Variants in RYR2 observed in about 807,000 individuals in gnomAD.
RYR2 encodes cardiac muscle ryanodine receptor-calcium release channel.
Under a neutral mutation model 601.1 loss-of-function variants are expected in RYR2, and 227 were observed. The observed-to-expected ratio is 0.38, with a 90% CI of 0.34 to 0.42. The LOEUF (loss-of-function observed/expected upper bound fraction) is 0.42, where lower values mean the gene tolerates loss of function less well. RYR2 is among the 10% of genes least tolerant of loss of function. RYR2 has a pLI of 1.00. For missense variants in RYR2, 4,646 were observed against 6,156.5 expected (o/e 0.75, Z 8.21); for synonymous variants, 2,223 against 2,175.1 (o/e 1.02, Z -0.61).
chr1:237,083,385 C>A (rs544134847), intron 1 of RYR2, among the ~76,000 whole-genome samples: 1 of 152,126 alleles, frequency 6.6e-6, no homozygotes, highest in East Asian at 1.9e-4. Context: ...GCCAGGTAAC[C>A]CTCCCTCAGC....
rs573483047 is a variant in RYR2, at chr1:237,767,464, T to G, written c.11477-3343T>G. ...TAGAAGAGTGAATGTTTTTTGAAGT[T>G]TACTGGAATCATACTCTTTACCAGT... On this transcript the variant is annotated intron_variant, in intron 84 of 104. Transcript: ENST00000366574. Among the ~76,000 whole-genome samples, 5 of 152,310 alleles carry G rather than the reference T, an allele frequency of 3.3e-5. No individual in the cohort carries two copies. In the East Asian group the frequency reaches 9.7e-4, roughly 29 times the overall value.
chr1:237,458,125 T>C (rs1413863811), intron 16 of RYR2, among the ~76,000 whole-genome samples: 1 of 152,146 alleles, frequency 6.6e-6, no homozygotes, highest in African/African-American at 2.4e-5. Context: ...CATGTCACTG[T>C]CTTTTAAAGT....
At chr1:237,048,495 C>T (rs1169997788) in intron 1 of RYR2, among the ~76,000 whole-genome samples, 3 of 152,082 alleles carry the variant, frequency 2.0e-5, no homozygotes, top group Non-Finnish European at 4.4e-5. Flanking sequence ...CTGAAACCCT[C>T]GTGTCCATCT....
At chr1:237,262,399 G>A (rs1688633940) in intron 1 of RYR2, among the ~76,000 whole-genome samples, 1 of 151,770 alleles carries the variant, frequency 6.6e-6, no homozygotes, top group South Asian at 2.1e-4. Context: ...GGGATTACAG[G>A]CACACACCAG....
At chr1:237,348,913 T>G (rs2149658204) in intron 3 of RYR2, among the ~76,000 whole-genome samples, 1 of 152,274 alleles carries the variant, frequency 6.6e-6, no homozygotes, top group South Asian at 2.1e-4. Context: ...TGGGACATAG[T>G]TGAAGAAAGG....
intron 7 of RYR2, among the ~76,000 whole-genome samples, chr1:237,375,375 A>G (rs1407961192): frequency 6.6e-6 from 1 of 152,196 alleles, no homozygotes; most frequent in Non-Finnish European, 1.5e-5. Context: ...CATTGACTTT[A>G]TATATCCCTA....
In RYR2 at chr1:237,062,545, A is replaced by G. The variant is rs543672239; in HGVS notation, c.48+19976A>G. The stretch of plus-strand genomic sequence containing the variant: ...AAATTGTTTCTTAGACTGTAAAAAT[A>G]TAATTGACTTTACATTTGACCTTGT... On this transcript the variant is annotated intron_variant, in intron 1 of 104. Transcript: ENST00000366574. Among the ~76,000 whole-genome samples the G allele has an allele frequency of 1.1e-4, 17 of 152,324 alleles. No individual in the cohort carries two copies. The South Asian group carries it at 3.3e-3, about 30-fold the overall frequency.
chr1:237,585,470 T>C (rs1674428035), intron 29 of RYR2, among the ~76,000 whole-genome samples: 1 of 152,204 alleles, frequency 6.6e-6, no homozygotes, highest in Non-Finnish European at 1.5e-5. Context: ...TGTCATGTAC[T>C]GAACAAAGGG....
intron 84 of RYR2, among the ~76,000 whole-genome samples, chr1:237,763,778 A>G (rs1463661659): frequency 6.6e-6 from 1 of 152,238 alleles, no homozygotes; most frequent in Non-Finnish European, 1.5e-5. Context: ...TTAATATTAC[A>G]GTATCTTCCA....
intron 62 of RYR2, among the ~76,000 whole-genome samples, chr1:237,680,991 G>A (rs1361238621): frequency 2.0e-5 from 3 of 152,080 alleles, no homozygotes; most frequent in Non-Finnish European, 4.4e-5. Flanking sequence ...TAAAAATAAT[G>A]ACCAATGTTG....
chr1:237,441,778 G>A (rs1019759357), intron 13 of RYR2, among the ~76,000 whole-genome samples: 1 of 152,060 alleles, frequency 6.6e-6, no homozygotes, highest in Admixed American at 6.6e-5. Flanking sequence ...CCTCCATGCT[G>A]TGACAAAGTC....
intron 3 of RYR2, among the ~76,000 whole-genome samples, chr1:237,350,461 C>T (rs540568739): frequency 6.7e-6 from 1 of 148,678 alleles, no homozygotes; most frequent in South Asian, 2.2e-4. Flanking sequence ...ATCCCAGCTA[C>T]TCGGGAGGCT....
intron 2 of RYR2, among the ~76,000 whole-genome samples, chr1:237,296,986 ACT>A (rs747314640): frequency 6.6e-6 from 1 of 152,184 alleles, no homozygotes; most frequent in South Asian, 2.1e-4. Flanking sequence ...TTTAGTGGTA[ACT>A]CTATTTTGTT....
intron 42 of RYR2, 123 bp from the exon 43 acceptor site, chr1:237,633,455 A>G: frequency 1.8e-6 from 2 of 1,109,638 alleles, no homozygotes; most frequent in Non-Finnish European, 1.3e-6. Context: ...GATCTTTGGT[A>G]TCTGAAGTTT....
chr1:237,627,800 T>C lies in RYR2; in HGVS notation c.6167-7T>C, dbSNP rs1679840771. ...TCTTTTAAAAAATATCCATAATGAC[T>C]TTGCAGCCACTCTGCAGCAGCTGAT... On this transcript the variant is annotated splice_region_variant and splice_polypyrimidine_tract_variant and intron_variant, in intron 40 of 104. Coordinates refer to ENST00000366574, the MANE Select transcript of RYR2 (RefSeq NM_001035.3). The C allele has an allele frequency of 6.3e-7, 1 of 1,590,188 alleles. No individual in the cohort carries two copies. The highest frequency in any genetic ancestry group is 8.6e-7 in the Non-Finnish European group (1 of 1,163,750).
chr1:237,469,172 C>T lies in RYR2; in HGVS notation c.1693C>T (p.Leu565=), dbSNP rs527658111. 6.3e-7 allele frequency: 1 copy of T among 1,595,008 alleles called. No individual in the cohort carries two copies. The highest frequency in any genetic ancestry group is 1.1e-5 in the South Asian group (1 of 89,362). ...LDWLISRLER[L]EASSGILEVL... is the part of the protein sequence containing the mutation. ...CTGGTTGATCAGCAGATTGGAAAGA[C>T]TGGAAGCTTCTTCAGGTATGTTTTC... Residue 565 remains leucine (L), a synonymous_variant, in exon 17 of 105, where the codon CTG becomes TTG. Coordinates refer to ENST00000366574, the MANE Select transcript of RYR2 (RefSeq NM_001035.3).
At chr1:237,052,002 C>T (rs776175648) in intron 1 of RYR2, among the ~76,000 whole-genome samples, 1 of 152,124 alleles carries the variant, frequency 6.6e-6, no homozygotes, top group Non-Finnish European at 1.5e-5. Context: ...ATCATAGGTC[C>T]TGTGTTTAAT....
chr1:237,602,996 G>T (rs1259586858), intron 35 of RYR2, among the ~76,000 whole-genome samples: 1 of 152,208 alleles, frequency 6.6e-6, no homozygotes, highest in Admixed American at 6.5e-5. Flanking sequence ...ACATTCTAGA[G>T]AAGAAATGAA....
chr1:237,603,512 GCGT>G (rs1447535874), intron 35 of RYR2, among the ~76,000 whole-genome samples: 1 of 152,204 alleles, frequency 6.6e-6, no homozygotes, highest in Non-Finnish European at 1.5e-5. Flanking sequence ...GGAAGAAACT[GCGT>G]CAACTAATGA....
Sources: gnomAD v4.1 joint callset for allele counts (sites outside exome capture counted in the v4.1 genomes callset) on GRCh38, gnomAD v4.1.1 for gene constraint, MANE v1.5 for transcripts, NCBI Gene and HGNC (gene_info 2026-07-23, HGNC 2026-07-21) for gene names.